Variants in SYCP2 observed in about 807,000 individuals in gnomAD.
SYCP2 encodes synaptonemal complex protein 2, also known as synaptonemal complex lateral element protein.
A neutral mutation model predicts 211.3 loss-of-function variants in SYCP2; 55 were observed. That is an observed-to-expected ratio of 0.26 (90% CI 0.21 to 0.33). The LOEUF is 0.33. Among genes scored for constraint, SYCP2 ranks in the 10% least tolerant of loss-of-function variants. SYCP2 has a pLI of 1.00. For synonymous variants in SYCP2, 570 were observed against 555.2 expected (o/e 1.03, Z -0.37); for missense variants, 1,731 against 1,752.0 (o/e 0.99, Z 0.21).
intron 7 of SYCP2, 69 bp from the exon 8 acceptor site, chr20:59,916,640 T>A (rs540861952): frequency 9.1e-7 from 1 of 1,098,130 alleles, no homozygotes; most frequent in East Asian, 2.4e-5. Context: ...TCTTTTCTTA[T>A]AAGAGTTAGT....
rs1429072204 is a variant in SYCP2 at position 59,900,795 on chromosome 20, A to G, written c.1206T>C (p.Ile402=). 4 of 1,612,236 alleles carry G rather than the reference A, an allele frequency of 2.5e-6. No individual in the cohort carries two copies. The South Asian group carries it at 3.3e-5, about 13-fold the overall frequency. ...TATGCAGCGACGTTTTGGCAACTGA[A>G]ATACCTTGTTTTCTGATAGATTCCT... is the stretch of plus-strand genomic sequence containing the variant. The part of the protein sequence containing the change: ...KHRESIRKQG[I]SVAKTSLHIL... The change falls in exon 17 of 45, where the codon ATT becomes ATC. Residue 402 remains isoleucine (I), a synonymous_variant. Coordinates refer to ENST00000357552, the MANE Select transcript of SYCP2 (RefSeq NM_014258.4).
In SYCP2 at chr20:59,900,190, G is replaced by A; in HGVS notation, c.1352C>T (p.Ser451Leu). The change falls in exon 18 of 45, where the codon TCA (serine) becomes TTA (leucine). Residue 451 changes from serine to leucine, a missense_variant. By Grantham distance (145) the Ser-to-Leu change is moderately radical. Coordinates refer to ENST00000357552, the MANE Select transcript of SYCP2 (RefSeq NM_014258.4). ...SKSPKEFAKP[S>L]KYIKNSDKGN... Reference sequence around the variant, plus strand: ...TTTGTCACTGTTTTTGATATATTTTGAAGGTTTAGCAAATTCCTTTGGGGA... The same window carrying A: ...TTTGTCACTGTTTTTGATATATTTTAAAGGTTTAGCAAATTCCTTTGGGGA... The A allele has an allele frequency of 6.2e-7, 1 of 1,613,016 alleles. No individual in the cohort carries two copies.
At chr20:59,875,527 C>A in intron 33 of SYCP2, 58 bp from the exon 34 acceptor site, 1 of 1,275,276 alleles carries the variant, frequency 7.8e-7, no homozygotes, top group Non-Finnish European at 1.1e-6. Flanking sequence ...CACTTGGACA[C>A]ATAAAACAAA....
intron 15 of SYCP2, among the ~76,000 whole-genome samples, chr20:59,906,901 C>T (rs1255859978): frequency 6.6e-6 from 1 of 151,962 alleles, no homozygotes; most frequent in African/African-American, 2.4e-5. Flanking sequence ...TGAAAAAGTG[C>T]TCAGCATCAC....
chr20:59,868,406 T>C lies in SYCP2; in HGVS notation c.3988+7A>G. 6.2e-7 allele frequency: 1 copy of C among 1,607,372 alleles called. No individual in the cohort carries two copies. Among genetic ancestry groups the C allele is most frequent in the South Asian group, 1.1e-5 (1 of 89,964 alleles). The stretch of plus-strand genomic sequence containing the variant: ...TGCATTTTGATACAGGCTACTGATC[T>C]ACCTACTTTTGTGGATATGATGATC... On this transcript the variant is annotated splice_region_variant and intron_variant, in intron 38 of 44. Transcript: ENST00000357552.
At chr20:59,876,010 T>G (rs1019925768) in intron 33 of SYCP2, among the ~76,000 whole-genome samples, 1 of 151,482 alleles carries the variant, frequency 6.6e-6, no homozygotes, top group South Asian at 2.1e-4. Context: ...GGGTCTTCCT[T>G]TGAAGAGGGA....
rs554893234 is a variant in SYCP2, at chr20:59,873,755, TTAAA to T, written c.3555+97_3555+100del. On this transcript the variant is annotated intron_variant, in intron 35 of 44. Coordinates refer to ENST00000357552, the MANE Select transcript of SYCP2 (RefSeq NM_014258.4). ...AAGACCCTAGACCAAACCCAAAACC[TTAAA>T]TAGACAAGCAATGTGTATCTGATTA... The T allele has an allele frequency of 1.7e-3, 1,802 of 1,083,256 alleles. 15 individuals carry two copies. In the East Asian group the frequency reaches 0.024, roughly 14 times the overall value. The allele number at this position is 1,083,256 out of a possible 1,614,324, so 67.1% of individuals were successfully genotyped here.
chr20:59,922,856 A>C (rs1238246858), intron 2 of SYCP2, among the ~76,000 whole-genome samples: 7 of 151,908 alleles, frequency 4.6e-5, no homozygotes, highest in Admixed American at 4.6e-4. Context: ...ATTAATATTC[A>C]AGAAAGGAGG....
intron 31 of SYCP2, among the ~76,000 whole-genome samples, chr20:59,878,661 A>G (rs1250029132): frequency 6.6e-6 from 1 of 152,082 alleles, no homozygotes; most frequent in Non-Finnish European, 1.5e-5. Context: ...TGCTTTAAAA[A>G]CAAGTTTTAT....
intron 24 of SYCP2, among the ~76,000 whole-genome samples, chr20:59,889,962 T>A (rs2059872528): frequency 6.6e-6 from 1 of 152,108 alleles, no homozygotes; most frequent in Non-Finnish European, 1.5e-5. Context: ...GTTGGGAGTG[T>A]AAATTTGTTC....
chr20:59,908,299 T>G (rs923034487), intron 14 of SYCP2, among the ~76,000 whole-genome samples: 1 of 152,110 alleles, frequency 6.6e-6, no homozygotes, highest in African/African-American at 2.4e-5. Context: ...CTAAATACTT[T>G]TGTTATTTAA....
intron 26 of SYCP2, among the ~76,000 whole-genome samples, 176 bp from the exon 27 acceptor site, chr20:59,882,341 C>T (rs2059700857): frequency 6.6e-6 from 1 of 152,086 alleles, no homozygotes; most frequent in Admixed American, 6.6e-5. Context: ...GGGCCTCATA[C>T]ACTGTTGGTG....
chr20:59,920,500 G>A lies in SYCP2; in HGVS notation c.169-13C>T, dbSNP rs957831816. 5.1e-6 allele frequency: 8 copies of A among 1,575,764 alleles called. No homozygotes were observed. In the African/African-American group the frequency reaches 9.5e-5, roughly 19 times the overall value. On this transcript the variant is annotated splice_polypyrimidine_tract_variant and intron_variant, in intron 4 of 44. Transcript: ENST00000357552. ...CTTTATTAAGTTCCTGAAATAAAAG[G>A]TATACATTAAAATTTCTGTAAACAC...
At chr20:59,905,903 G>C (rs1314935571) in intron 15 of SYCP2, among the ~76,000 whole-genome samples, 1 of 152,112 alleles carries the variant, frequency 6.6e-6, no homozygotes, top group African/African-American at 2.4e-5. Context: ...GGAAAGGAGG[G>C]AGGGAGTGCA....
chr20:59,915,566 AG>A lies in SYCP2; in HGVS notation c.514-17del. 6.9e-7 allele frequency: 1 copy of A among 1,446,070 alleles called. No individual in the cohort carries two copies. The highest frequency in any genetic ancestry group is 9.7e-7 in the Non-Finnish European group (1 of 1,029,010). 89.6% of individuals were successfully genotyped at this position (1,446,070 alleles called of 1,614,324 possible). A position where few individuals can be genotyped will look rare whatever the true frequency, so the allele number is the denominator to read the frequency against. On this transcript the variant is annotated splice_polypyrimidine_tract_variant and intron_variant, in intron 8 of 44. Coordinates refer to ENST00000357552, the MANE Select transcript of SYCP2 (RefSeq NM_014258.4). ...TTTTTATAATCTAGAAAAGAAAAAA[AG>A]ATAATGCATTAACTTTACATTCAGT...
At chr20:59,900,853 C>T (rs923980731) in intron 16 of SYCP2, 35 bp from the exon 17 acceptor site, 13 of 1,376,408 alleles carry the variant, frequency 9.4e-6, no homozygotes, top group Non-Finnish European at 1.3e-5. Flanking sequence ...ATGACATTTT[C>T]TTCATTTTCT....
In SYCP2 at chr20:59,901,649, T is replaced by C. The variant is rs376370771; in HGVS notation, c.1182+13A>G. ...ATGAAAATAGTAAATATTTATTAAGTTTAAAGACTTACCCTATGTTTAGTT... is the reference window on the plus strand; with the variant it reads ...ATGAAAATAGTAAATATTTATTAAGCTTAAAGACTTACCCTATGTTTAGTT... On this transcript the variant is annotated intron_variant, in intron 16 of 44. Coordinates refer to ENST00000357552, the MANE Select transcript of SYCP2 (RefSeq NM_014258.4). 4.2e-6 allele frequency: 6 copies of C among 1,423,916 alleles called. No individual in the cohort carries two copies. In the African/African-American group the frequency reaches 8.8e-5, roughly 21 times the overall value. 88.2% of individuals were successfully genotyped at this position (1,423,916 alleles called of 1,614,324 possible). A position where few individuals can be genotyped will look rare whatever the true frequency, so the allele number is the denominator to read the frequency against.
intron 28 of SYCP2, 51 bp from the exon 29 acceptor site, chr20:59,881,543 A>G: frequency 1.1e-6 from 1 of 908,542 alleles, no homozygotes; most frequent in South Asian, 1.8e-5. Context: ...AAAATAAAAA[A>G]GATTAAAAGG....
chr20:59,865,332 C>A (rs2059308232), intron 44 of SYCP2, 56 bp downstream of exon 44: 21 of 1,417,630 alleles, frequency 1.5e-5, no homozygotes, highest in South Asian at 2.5e-5. Flanking sequence ...ACAAAAAAAT[C>A]AAAAACAAAA....
Sources: allele counts gnomAD v4.1 joint callset (sites outside exome capture counted in the v4.1 genomes callset), GRCh38; gene constraint gnomAD v4.1.1; transcripts MANE v1.5; gene names NCBI Gene and HGNC (gene_info 2026-07-23, HGNC 2026-07-21).